DGKI: variants seen among roughly 807,000 people sequenced by gnomAD.
DGKI encodes the protein diacylglycerol kinase iota.
A neutral mutation model predicts 147.5 loss-of-function variants in DGKI; 55 were observed. The ratio of observed to expected loss-of-function variants is 0.37; its 90% CI spans 0.30 to 0.47. The LOEUF is 0.47. Ranked by LOEUF, DGKI falls within the 20% of genes least tolerant of loss-of-function variation. DGKI has a pLI of 1.00. For synonymous variants in DGKI, 469 were observed against 477.1 expected, an observed-to-expected ratio of 0.98 and a Z score of 0.22; for missense variants, 1,007 against 1,323.8, an observed-to-expected ratio of 0.76 and a Z score of 3.71.
At chr7:137,426,483 T>G (rs1362412894) in intron 28 of DGKI, among the ~76,000 whole-genome samples, 1 of 152,100 alleles carries the variant, frequency 6.6e-6, no homozygotes, top group Non-Finnish European at 1.5e-5. Flanking sequence ...AGGAAGAAAC[T>G]GCATCAACTA....
chr7:137,594,173 A>G (rs1387133889), intron 12 of DGKI, among the ~76,000 whole-genome samples: 1 of 152,092 alleles, frequency 6.6e-6, no homozygotes, highest in African/African-American at 2.4e-5. Flanking sequence ...CAACCTCCCA[A>G]GTAGCTGGGA....
chr7:137,679,916 G>GGCCA (rs1823173046), intron 2 of DGKI, among the ~76,000 whole-genome samples: 1 of 150,514 alleles, frequency 6.6e-6, no homozygotes, highest in Non-Finnish European at 1.5e-5. Flanking sequence ...ACTTGAACCT[G>GGCCA]GGAGGTGGAG....
intron 3 of DGKI, among the ~76,000 whole-genome samples, chr7:137,662,188 A>G (rs904321032): frequency 2.0e-5 from 3 of 151,704 alleles, no homozygotes; most frequent in Non-Finnish European, 4.4e-5. Context: ...AAAGGAATAT[A>G]GAACATTTTG....
chr7:137,614,976 C>T (rs1820480967), intron 8 of DGKI, among the ~76,000 whole-genome samples: 1 of 152,108 alleles, frequency 6.6e-6, no homozygotes, highest in Admixed American at 6.6e-5. Flanking sequence ...CTGCCTACAT[C>T]CTTTAAGGCC....
chr7:137,734,223 G>A (rs1563172679), intron 1 of DGKI, among the ~76,000 whole-genome samples: 3 of 152,026 alleles, frequency 2.0e-5, no homozygotes, highest in Non-Finnish European at 2.9e-5. Context: ...CATAAAAGAT[G>A]GATTTGGGGG....
rs1813436307 is a variant in DGKI at position 137,440,036 on chromosome 7, GC to G, written c.2761+4040del. Among the ~76,000 whole-genome samples the G allele has an allele frequency of 2.6e-5, 4 of 152,346 alleles. No individual in the cohort carries two copies. In the East Asian group the frequency reaches 7.7e-4, roughly 29 times the overall value. Reference sequence around the variant, plus strand: ...AGCGGTAAGCGCAGCATTCCAAGGAGCCTGTAAAATAAGCAGGCTAAGGTGA... The same window carrying G: ...AGCGGTAAGCGCAGCATTCCAAGGAGCTGTAAAATAAGCAGGCTAAGGTGA... On this transcript the variant is annotated intron_variant, in intron 28 of 32. Transcript: ENST00000614521.
intron 1 of DGKI, among the ~76,000 whole-genome samples, chr7:137,747,610 G>A (rs1795379399): frequency 6.6e-6 from 1 of 152,120 alleles, no homozygotes; most frequent in South Asian, 2.1e-4. Flanking sequence ...CTCCCACATT[G>A]TGGAATGTAC....
chr7:137,430,469 G>A (rs534950959), intron 28 of DGKI, among the ~76,000 whole-genome samples: 1 of 151,684 alleles, frequency 6.6e-6, no homozygotes, highest in South Asian at 2.1e-4. Context: ...ACGTGTTAAT[G>A]GGTGCAGCAC....
intron 2 of DGKI, among the ~76,000 whole-genome samples, chr7:137,686,661 A>T (rs1223291573): frequency 6.6e-6 from 1 of 152,212 alleles, no homozygotes; most frequent in African/African-American, 2.4e-5. Flanking sequence ...TATTAAGTTA[A>T]TGTACCCAAA....
intron 23 of DGKI, among the ~76,000 whole-genome samples, chr7:137,479,258 T>C (rs1815286347): frequency 6.6e-6 from 1 of 152,198 alleles, no homozygotes; most frequent in Admixed American, 6.5e-5. Context: ...AATATAATAA[T>C]CTTCTAAAAT....
At chr7:137,794,241 A>G (rs369123293) in intron 1 of DGKI, among the ~76,000 whole-genome samples, 1 of 152,126 alleles carries the variant, frequency 6.6e-6, no homozygotes, top group East Asian at 1.9e-4. Context: ...TCAAAGCCTA[A>G]CTCAAATAAT....
chr7:137,588,305 G>A (rs145484394), intron 12 of DGKI, among the ~76,000 whole-genome samples: 8 of 151,914 alleles, frequency 5.3e-5, no homozygotes, highest in East Asian at 3.9e-4. Context: ...ATATTTGTAC[G>A]AGTCATGTTT....
intron 2 of DGKI, among the ~76,000 whole-genome samples, chr7:137,686,727 A>G (rs1823431481): frequency 6.6e-6 from 1 of 152,218 alleles, no homozygotes; most frequent in Non-Finnish European, 1.5e-5. Context: ...GCAGGTGCCT[A>G]TAGTCTATGC....
chr7:137,730,929 C>T (rs1433072159), intron 1 of DGKI, among the ~76,000 whole-genome samples: 1 of 152,074 alleles, frequency 6.6e-6, no homozygotes, highest in Non-Finnish European at 1.5e-5. Context: ...GCCTAAGTTT[C>T]AGGATGCTCA....
In DGKI at chr7:137,390,929, A is replaced by C; in HGVS notation, c.*291T>G. The C allele has an allele frequency of 2.5e-6, 1 of 392,436 alleles. No individual in the cohort carries two copies. Among genetic ancestry groups the C allele is most frequent in the Non-Finnish European group, 4.6e-6 (1 of 216,346 alleles). The allele number at this position is 392,436 out of a possible 1,614,324, so 24.3% of individuals were successfully genotyped here. Reference sequence around the variant, plus strand: ...TTTGAATCTTTAAAATAAATTATACAGGTGAACACAGAAGTTCATGCTACT... The same window carrying C: ...TTTGAATCTTTAAAATAAATTATACCGGTGAACACAGAAGTTCATGCTACT... On this transcript the variant is annotated 3_prime_UTR_variant, in exon 33 of 33. Coordinates refer to ENST00000614521, the MANE Select transcript of DGKI (RefSeq NM_001321708.2).
intron 28 of DGKI, among the ~76,000 whole-genome samples, chr7:137,419,848 G>A (rs984796782): frequency 6.6e-6 from 1 of 152,102 alleles, no homozygotes; most frequent in African/African-American, 2.4e-5. Flanking sequence ...AACTACTGAA[G>A]GTTTTTAACA....
intron 29 of DGKI, 87 bp downstream of exon 29, chr7:137,412,083 A>C: frequency 1.6e-6 from 2 of 1,270,778 alleles, no homozygotes; most frequent in Non-Finnish European, 2.3e-6. Context: ...GATAAATGAT[A>C]GATGGGAACA....
rs1297684025 is a variant in DGKI, at chr7:137,552,509, A to C, written c.2007T>G (p.Leu669=). The C allele has an allele frequency of 6.2e-7, 1 of 1,614,184 alleles. No individual in the cohort carries two copies. Among genetic ancestry groups the C allele is most frequent in the Non-Finnish European group, 8.5e-7 (1 of 1,180,042 alleles). Reference sequence around the variant, plus strand: ...GCATGGGGATGGATTTGTAAGTTAGAAGCATGACTTCTCGACACTGGTGTA... The same window carrying C: ...GCATGGGGATGGATTTGTAAGTTAGCAGCATGACTTCTCGACACTGGTGTA... The part of the protein sequence containing the change: ...ERLHQCREVM[L]LTYKSIPMQV... Residue 669 remains leucine, a synonymous_variant, in exon 20 of 33, where the codon CTT becomes CTG. Coordinates refer to ENST00000614521, the MANE Select transcript of DGKI (RefSeq NM_001321708.2).
chr7:137,428,080 C>T (rs1480903165), intron 28 of DGKI, among the ~76,000 whole-genome samples: 6 of 146,334 alleles, frequency 4.1e-5, no homozygotes, highest in South Asian at 2.3e-4. Flanking sequence ...ATACCAAAGC[C>T]GGGCAGAGAC....
Sources: allele counts gnomAD v4.1 joint callset (sites outside exome capture counted in the v4.1 genomes callset), GRCh38; gene constraint gnomAD v4.1.1; transcripts MANE v1.5; gene names NCBI Gene and HGNC (gene_info 2026-07-23, HGNC 2026-07-21).